WRNIP1: variants seen among roughly 807,000 people sequenced by gnomAD.
WRNIP1 encodes the protein ATPase WRNIP1.
In WRNIP1, 41 loss-of-function variants were observed where a neutral mutation model predicts 56.1. The ratio of observed to expected loss-of-function variants is 0.73; its 90% CI spans 0.57 to 0.95. WRNIP1 has a LOEUF of 0.95. Among genes scored for constraint, WRNIP1 ranks in the 40% least tolerant of loss-of-function variants. The probability of loss-of-function intolerance (pLI) is 0.00; values close to 1 mark genes in which losing one functional copy is unlikely to be tolerated. For missense variants in WRNIP1, 1,170 were observed against 939.4 expected, an observed-to-expected ratio of 1.25 and a Z score of -3.21; for synonymous variants, 547 against 398.1, an observed-to-expected ratio of 1.37 and a Z score of -4.45.
chr6:2,766,504 G>T, intron 1 of WRNIP1, 60 bp downstream of exon 1: 1 of 1,443,764 alleles, frequency 6.9e-7, no homozygotes, highest in Non-Finnish European at 9.2e-7. Flanking sequence ...TGCAGCTGAT[G>T]GTCGGAGAGC....
Position 2,785,248 on chromosome 6 carries a change from G to T in WRNIP1, c.1964G>T (p.Arg655Met), listed in dbSNP as rs770242729. 5.0e-6 allele frequency: 8 copies of T among 1,613,980 alleles called. No homozygotes were observed. The highest frequency in any genetic ancestry group is 1.1e-5 in the South Asian group (1 of 91,078). Residue 655 changes from arginine (R) to methionine (M), a missense_variant, in exon 7 of 7, where the codon AGG becomes ATG. By Grantham distance (91) the Arg-to-Met change is moderately conservative (BLOSUM62 -1). Coordinates refer to ENST00000380773, the MANE Select transcript of WRNIP1 (RefSeq NM_020135.3). The stretch of plus-strand genomic sequence containing the variant: ...CAGGAGTACCTGCCTGAAGAGTTGA[G>T]GGGGGTAGATTTCTTCAAGCAGAGG... ...VDQEYLPEEL[R>M]GVDFFKQRRC
Position 2,765,944 on chromosome 6 carries a change from CGCGAGAGCT to C in WRNIP1, c.323_331del (p.Arg108_Tyr111delinsHis). ...CGACGACGGCGGCGAGACCGAGAGC[CGCGAGAGCT>C]ACGACGCGCCGCCCACACCCAGCGG... On this transcript the variant is annotated inframe_deletion, in exon 1 of 7. Coordinates refer to ENST00000380773, the MANE Select transcript of WRNIP1 (RefSeq NM_020135.3). The C allele has an allele frequency of 6.9e-7, 1 of 1,443,138 alleles. No individual in the cohort carries two copies. Among genetic ancestry groups the C allele is most frequent in the Non-Finnish European group, 9.1e-7 (1 of 1,098,656 alleles). 89.4% of individuals were successfully genotyped at this position (1,443,138 alleles called of 1,614,324 possible).
intron 1 of WRNIP1, among the ~76,000 whole-genome samples, chr6:2,766,904 C>T (rs760102381): frequency 1.3e-5 from 2 of 152,132 alleles, no homozygotes; most frequent in African/African-American, 4.8e-5. Context: ...TGCTTCCTTC[C>T]TTTTCCACTA....
intron 4 of WRNIP1, among the ~76,000 whole-genome samples, chr6:2,782,114 A>G (rs1354044217): frequency 1.4e-4 from 21 of 152,182 alleles, no homozygotes. Flanking sequence ...CAGGCCTGTT[A>G]CCTGCTACCC....
rs781533432 is a variant in WRNIP1 at position 2,766,312 on chromosome 6, G to T, written c.690G>T (p.Thr230=). The T allele has an allele frequency of 1.2e-6, 2 of 1,609,988 alleles. No individual in the cohort carries two copies. Among genetic ancestry groups the T allele is most frequent in the South Asian group, 2.2e-5 (2 of 90,474 alleles). The change falls in exon 1 of 7, where the codon ACG becomes ACT. Residue 230 remains threonine (T), a synonymous_variant. Coordinates refer to ENST00000380773, the MANE Select transcript of WRNIP1 (RefSeq NM_020135.3). The stretch of plus-strand genomic sequence containing the variant: ...TACAGGGCAAGCCGCTGGCCGACAC[G>T]ATGCGTCCTGACACGCTGCAGGATT... The part of the protein sequence containing the change: ...QMLQGKPLAD[T]MRPDTLQDYF...
rs746468151 is a variant in WRNIP1 at position 2,783,432 on chromosome 6, G to A, written c.1513G>A (p.Ala505Thr). Residue 505 changes from alanine to threonine, a missense_variant, in exon 5 of 7, where the codon GCC (alanine) becomes ACC (threonine). Physicochemically the swap from Ala to Thr is moderately conservative, Grantham distance 58. Transcript: ENST00000380773. ...AGEEHYNCIS[A>T]LHKSMRGSDQ... ...TGAGGAGCATTACAACTGCATCTCC[G>A]CCCTGCACAAGTCCATGCGGGGCTC... 20 of 1,610,616 alleles carry A rather than the reference G, an allele frequency of 1.2e-5. No homozygotes were observed. The highest frequency in any genetic ancestry group is 2.2e-5 in the South Asian group (2 of 90,656).
At position 2,785,470 on chromosome 6, in the gene WRNIP1, C is replaced by A; in HGVS notation, c.*188C>A. The A allele has an allele frequency of 1.6e-6, 1 of 640,326 alleles. No individual in the cohort carries two copies. Among genetic ancestry groups the A allele is most frequent in the Non-Finnish European group, 2.7e-6 (1 of 375,638 alleles). The allele number at this position is 640,326 out of a possible 1,614,324, so 39.7% of individuals were successfully genotyped here. ...AAATGTGTAACTTTGAAATTGTGTT[C>A]ATTTGCACTCGGTGCAGCGGTTATG... On this transcript the variant is annotated 3_prime_UTR_variant, in exon 7 of 7. Coordinates refer to ENST00000380773, the MANE Select transcript of WRNIP1 (RefSeq NM_020135.3).
chr6:2,785,023 G>A lies in WRNIP1; in HGVS notation c.1739G>A (p.Cys580Tyr). ...CATTGGTAGGTGCTTCTGGCCCAGTGTGTGGTCTACTTTGCCAGAGCCCCA... is the reference window on the plus strand; with the variant it reads ...CATTGGTAGGTGCTTCTGGCCCAGTATGTGGTCTACTTTGCCAGAGCCCCA... Reference protein sequence around the residue: ...MPECEVLLAQCVVYFARAPKS... With the variant: ...MPECEVLLAQYVVYFARAPKS... Residue 580 changes from cysteine to tyrosine, a missense_variant, in exon 7 of 7, where the codon TGT becomes TAT. By Grantham distance (194) the Cys-to-Tyr change is radical (BLOSUM62 -2). Coordinates refer to ENST00000380773, the MANE Select transcript of WRNIP1 (RefSeq NM_020135.3). The A allele has an allele frequency of 5.0e-6, 8 of 1,614,146 alleles. No individual in the cohort carries two copies. Among genetic ancestry groups the A allele is most frequent in the Non-Finnish European group, 6.8e-6 (8 of 1,180,030 alleles).
At chr6:2,772,908 C>A in intron 3 of WRNIP1, 6 of 934,516 alleles carry the variant, frequency 6.4e-6, no homozygotes, top group Non-Finnish European at 7.7e-6. Flanking sequence ...AAAAGACTTC[C>A]AACCCCATAT....
rs747712776 is a variant in WRNIP1 at position 2,766,065 on chromosome 6, C to G, written c.443C>G (p.Ala148Gly). The G allele has an allele frequency of 7.7e-7, 1 of 1,293,498 alleles. No individual in the cohort carries two copies. Among genetic ancestry groups the G allele is most frequent in the Non-Finnish European group, 9.8e-7 (1 of 1,025,108 alleles). The allele number at this position is 1,293,498 out of a possible 1,614,324, so 80.1% of individuals were successfully genotyped here. The part of the protein sequence containing the change: ...GSGKRPAAAA[A>G]AGSASPRSWD... ...GGGAAGAGGCCGGCGGCCGCCGCCGCGGCGGGGAGCGCGTCTCCGCGCAGC... is the reference window on the plus strand; with the variant it reads ...GGGAAGAGGCCGGCGGCCGCCGCCGGGGCGGGGAGCGCGTCTCCGCGCAGC... The change falls in exon 1 of 7, where the codon GCG becomes GGG. Residue 148 changes from alanine to glycine, a missense_variant. By Grantham distance (60) the Ala-to-Gly change is moderately conservative. Transcript: ENST00000380773.
intron 4 of WRNIP1, among the ~76,000 whole-genome samples, chr6:2,782,392 C>G (rs886773738): frequency 6.6e-6 from 1 of 152,264 alleles, no homozygotes; most frequent in Non-Finnish European, 1.5e-5. Flanking sequence ...TCCTGCAGGT[C>G]TTTCCCCTGT....
intron 4 of WRNIP1, among the ~76,000 whole-genome samples, chr6:2,781,618 T>C (rs769938109): frequency 4.6e-5 from 7 of 152,258 alleles, no homozygotes; most frequent in Non-Finnish European, 7.3e-5. Flanking sequence ...GTGATGTTTC[T>C]GCATCAGAGT....
intron 3 of WRNIP1, chr6:2,773,273 G>C: frequency 1.0e-6 from 1 of 985,442 alleles, no homozygotes; most frequent in Non-Finnish European, 1.2e-6. Context: ...TGAAAAGCTT[G>C]TTCCTGTGCC....
At position 2,766,078 on chromosome 6, in the gene WRNIP1, G is replaced by T; in HGVS notation, c.456G>T (p.Ala152=). 1 of 1,298,028 alleles carries T rather than the reference G, an allele frequency of 7.7e-7. No individual in the cohort carries two copies. The highest frequency in any genetic ancestry group is 9.7e-7 in the Non-Finnish European group (1 of 1,027,854). 80.4% of individuals were successfully genotyped at this position (1,298,028 alleles called of 1,614,324 possible). ...RPAAAAAAGS[A]SPRSWDEAEA... is the part of the protein sequence containing the mutation. ...CGGCCGCCGCCGCGGCGGGGAGCGC[G>T]TCTCCGCGCAGCTGGGACGAGGCGG... is the stretch of plus-strand genomic sequence containing the variant. The change falls in exon 1 of 7, where the codon GCG becomes GCT. Residue 152 remains alanine (A), a synonymous_variant. Coordinates refer to ENST00000380773, the MANE Select transcript of WRNIP1 (RefSeq NM_020135.3).
Position 2,765,792 on chromosome 6 carries a change from C to A in WRNIP1, c.170C>A (p.Ala57Asp). The A allele has an allele frequency of 7.1e-7, 1 of 1,416,962 alleles. No individual in the cohort carries two copies. The highest frequency in any genetic ancestry group is 9.2e-7 in the Non-Finnish European group (1 of 1,086,240). 87.8% of individuals were successfully genotyped at this position (1,416,962 alleles called of 1,614,324 possible). Residue 57 changes from alanine (A) to aspartate (D), a missense_variant, in exon 1 of 7, where the codon GCC becomes GAC. Physicochemically the swap from Ala to Asp is moderately radical, Grantham distance 126. Coordinates refer to ENST00000380773, the MANE Select transcript of WRNIP1 (RefSeq NM_020135.3). ...HAEPAAGSHR[A>D]GERAKGPSPP... ...GAGCCCGCGGCCGGGTCGCACCGCGCCGGGGAGCGGGCCAAGGGGCCCTCG... is the reference window on the plus strand; with the variant it reads ...GAGCCCGCGGCCGGGTCGCACCGCGACGGGGAGCGGGCCAAGGGGCCCTCG...
At chr6:2,768,335 C>G (rs1254499701) in intron 1 of WRNIP1, among the ~76,000 whole-genome samples, 1 of 152,158 alleles carries the variant, frequency 6.6e-6, no homozygotes, top group Non-Finnish European at 1.5e-5. Context: ...GGAGAATTTT[C>G]TCTTTGGTGA....
chr6:2,783,491 C>T lies in WRNIP1; in HGVS notation c.1572C>T (p.Arg524=), dbSNP rs761447281. The part of the protein sequence containing the change: ...DQNASLYWLA[R]MLEGGEDPLY... Reference sequence around the variant, plus strand: ...ACGCCTCCCTCTACTGGCTGGCTCGCATGCTCGAGGGAGGAGAGGACCCAC... The same window carrying T: ...ACGCCTCCCTCTACTGGCTGGCTCGTATGCTCGAGGGAGGAGAGGACCCAC... Residue 524 remains arginine (R), a synonymous_variant, in exon 5 of 7, where the codon CGC becomes CGT. Transcript: ENST00000380773. 9.9e-6 allele frequency: 16 copies of T among 1,613,846 alleles called. No homozygotes were observed. In the African/African-American group the frequency reaches 1.5e-4, roughly 15 times the overall value.
At chr6:2,783,653 T>TTTTTTTTTTTTGGGG in intron 5 of WRNIP1, 92 bp downstream of exon 5, 4 of 120,100 alleles carry the variant, frequency 3.3e-5, no homozygotes, top group African/African-American at 9.0e-5. Flanking sequence ...TTTTTTTTTT[T>TTTTTTTTTTTTGGGG]GCAGGGCGGG....
chr6:2,769,930 T>A (rs1271108082), intron 2 of WRNIP1, among the ~76,000 whole-genome samples, 190 bp from the exon 3 acceptor site: 1 of 152,222 alleles, frequency 6.6e-6, no homozygotes, highest in Admixed American at 6.5e-5. Context: ...AAGATGTGTT[T>A]CAGACTTAAA....
Sources: allele counts gnomAD v4.1 joint callset (sites outside exome capture counted in the v4.1 genomes callset), GRCh38; gene constraint gnomAD v4.1.1; transcripts MANE v1.5; gene names NCBI Gene and HGNC (gene_info 2026-07-23, HGNC 2026-07-21).